Variants in SCAPER observed in about 807,000 individuals in gnomAD.
SCAPER encodes the protein S phase cyclin A-associated protein in the endoplasmic reticulum.
A neutral mutation model predicts 182.2 loss-of-function variants in SCAPER; 98 were observed. That is an observed-to-expected ratio of 0.54 (90% confidence interval 0.46 to 0.64). The LOEUF is 0.64. Among genes scored for constraint, SCAPER ranks in the 30% least tolerant of loss-of-function variants. The probability of loss-of-function intolerance (pLI) is 0.00; values close to 1 mark genes in which losing one functional copy is unlikely to be tolerated. For synonymous variants in SCAPER, 605 were observed against 564.6 expected (o/e 1.07, Z -1.01); for missense variants, 1,432 against 1,690.0 (o/e 0.85, Z 2.68).
intron 15 of SCAPER, among the ~76,000 whole-genome samples, chr15:76,747,439 T>G (rs1598488709): frequency 6.6e-6 from 1 of 151,776 alleles, no homozygotes; most frequent in Admixed American, 6.6e-5. Context: ...GAGGCAGAGG[T>G]TGCAGTGAGC....
At chr15:76,735,754 AG>A (rs1432150125) in intron 15 of SCAPER, among the ~76,000 whole-genome samples, 1 of 152,164 alleles carries the variant, frequency 6.6e-6, no homozygotes, top group African/African-American at 2.4e-5. Flanking sequence ...CCTAACAAAC[AG>A]CAGAAAATTC....
At chr15:76,676,620 T>C (rs907966669) in intron 20 of SCAPER, among the ~76,000 whole-genome samples, 3 of 152,028 alleles carry the variant, frequency 2.0e-5, no homozygotes, top group Non-Finnish European at 2.9e-5. Context: ...ATATCAGCAG[T>C]AAGAAATTGA....
intron 5 of SCAPER, among the ~76,000 whole-genome samples, chr15:76,836,210 CA>C (rs2068937313): frequency 6.6e-6 from 1 of 151,862 alleles, no homozygotes; most frequent in Non-Finnish European, 1.5e-5. Flanking sequence ...TCACAGAATT[CA>C]AAAAAACTAT....
At chr15:76,649,385 A>G (rs1186722349) in intron 21 of SCAPER, among the ~76,000 whole-genome samples, 1 of 152,036 alleles carries the variant, frequency 6.6e-6, no homozygotes, top group African/African-American at 2.4e-5. Context: ...AGCTGGGATC[A>G]TGCCACTGCA....
chr15:76,792,341 A>AT (rs1254674913), intron 8 of SCAPER, among the ~76,000 whole-genome samples: 10 of 152,096 alleles, frequency 6.6e-5, no homozygotes, highest in Non-Finnish European at 1.5e-4. Flanking sequence ...TGATACTATA[A>AT]TTGAGTGAGT....
At chr15:76,792,235 C>T (rs1397105682) in intron 8 of SCAPER, among the ~76,000 whole-genome samples, 1 of 152,098 alleles carries the variant, frequency 6.6e-6, no homozygotes, top group Non-Finnish European at 1.5e-5. Context: ...CAGCCCTCTT[C>T]TCCCATTGAA....
chr15:76,589,602 C>G (rs1309614477), intron 22 of SCAPER, among the ~76,000 whole-genome samples: 1 of 152,178 alleles, frequency 6.6e-6, no homozygotes. Flanking sequence ...ATGCCCCAGG[C>G]TACCAGCCTC....
intron 21 of SCAPER, among the ~76,000 whole-genome samples, chr15:76,661,427 C>A (rs1261498119): frequency 6.6e-6 from 1 of 151,864 alleles, no homozygotes; most frequent in Non-Finnish European, 1.5e-5. Context: ...TTCAATCTAC[C>A]CATCTGACAA....
chr15:76,382,340 T>A (rs1355485723), intron 27 of SCAPER, among the ~76,000 whole-genome samples: 2 of 150,818 alleles, frequency 1.3e-5, no homozygotes, highest in Non-Finnish European at 2.9e-5. Flanking sequence ...ATCCTTGAAC[T>A]AAGGTATTTT....
intron 24 of SCAPER, among the ~76,000 whole-genome samples, chr15:76,492,139 C>A (rs918532328): frequency 2.0e-5 from 3 of 151,930 alleles, no homozygotes; most frequent in African/African-American, 7.3e-5. Context: ...AAAAATATAC[C>A]CTGATTGATG....
At chr15:76,441,773 T>A (rs2047621015) in intron 25 of SCAPER, among the ~76,000 whole-genome samples, 1 of 152,196 alleles carries the variant, frequency 6.6e-6, no homozygotes, top group Middle Eastern at 3.2e-3. Context: ...TCAACTTTAT[T>A]TTTCTTCCAG....
chr15:76,722,657 A>G (rs1285560339), intron 17 of SCAPER, among the ~76,000 whole-genome samples: 3 of 152,042 alleles, frequency 2.0e-5, no homozygotes, highest in African/African-American at 7.3e-5. Flanking sequence ...AAGTCTTGGG[A>G]GGGTGTATGT....
chr15:76,702,731 G>A, intron 19 of SCAPER, 119 bp downstream of exon 19: 2 of 1,168,884 alleles, frequency 1.7e-6, no homozygotes, highest in Non-Finnish European at 2.4e-6. Context: ...TTACAGGTGT[G>A]AGCTGCCACA....
At chr15:76,648,966 G>A (rs2054783576) in intron 21 of SCAPER, among the ~76,000 whole-genome samples, 1 of 152,188 alleles carries the variant, frequency 6.6e-6, no homozygotes, top group African/African-American at 2.4e-5. Context: ...TTCACACTTT[G>A]CAAACAGCAC....
At chr15:76,527,423 T>C (rs530428465) in intron 23 of SCAPER, among the ~76,000 whole-genome samples, 3 of 152,296 alleles carry the variant, frequency 2.0e-5, no homozygotes, top group East Asian at 1.9e-4. Flanking sequence ...AATTCAGTGG[T>C]TGGAGTTCCA....
At chr15:76,692,930 A>G (rs2058456739) in intron 20 of SCAPER, among the ~76,000 whole-genome samples, 1 of 152,126 alleles carries the variant, frequency 6.6e-6, no homozygotes, top group African/African-American at 2.4e-5. Flanking sequence ...AAATGAAATG[A>G]TCAAGAAAAA....
chr15:76,714,335 G>GA (rs907699930), intron 17 of SCAPER, among the ~76,000 whole-genome samples: 1 of 151,938 alleles, frequency 6.6e-6, no homozygotes, highest in Admixed American at 6.6e-5. Flanking sequence ...ATAAAGTTGT[G>GA]AAAAAAAATT....
intron 17 of SCAPER, among the ~76,000 whole-genome samples, chr15:76,722,885 G>A (rs1445740148): frequency 6.6e-6 from 1 of 152,074 alleles, no homozygotes; most frequent in Non-Finnish European, 1.5e-5. Context: ...CAGGCTCCTG[G>A]ATTCATTGAT....
At chr15:76,826,365 G>T (rs182510887) in intron 5 of SCAPER, among the ~76,000 whole-genome samples, 7 of 137,508 alleles carry the variant, frequency 5.1e-5, no homozygotes, top group Non-Finnish European at 7.6e-5. Flanking sequence ...TGAACAATGA[G>T]AACACATGGA....
Sources: gnomAD v4.1 joint callset for allele counts (sites outside exome capture counted in the v4.1 genomes callset) on GRCh38, gnomAD v4.1.1 for gene constraint, MANE v1.5 for transcripts, NCBI Gene and HGNC (gene_info 2026-07-23, HGNC 2026-07-21) for gene names.